Variants in SUPT3H observed in about 807,000 individuals in gnomAD.
The protein encoded by SUPT3H is SPT3 homolog, SAGA and STAGA complex component.
A neutral mutation model predicts 44.3 loss-of-function variants in SUPT3H; 44 were observed. The observed-to-expected ratio is 0.99, with a 90% CI of 0.78 to 1.28. The LOEUF is 1.28. SUPT3H is among the 50% of genes most tolerant of loss of function. The pLI, the probability that SUPT3H is intolerant of heterozygous loss-of-function variation, is 0.00. For missense variants in SUPT3H, 380 were observed against 387.1 expected (o/e 0.98, Z 0.15); for synonymous variants, 124 against 125.6 (o/e 0.99, Z 0.09).
intron 2 of SUPT3H, among the ~76,000 whole-genome samples, chr6:45,198,867 T>A (rs1167954038): frequency 6.6e-6 from 1 of 151,344 alleles, no homozygotes; most frequent in Non-Finnish European, 1.5e-5. Context: ...TCTGTTATTT[T>A]AAGCTTTGAA....
chr6:44,860,394 C>A (rs1300707542), intron 10 of SUPT3H, among the ~76,000 whole-genome samples: 4 of 152,130 alleles, frequency 2.6e-5, no homozygotes, highest in Non-Finnish European at 1.5e-5. Flanking sequence ...AGATAAAACA[C>A]AACATACCCT....
chr6:45,229,883 TAC>T (rs1767632036), intron 2 of SUPT3H, among the ~76,000 whole-genome samples: 1 of 152,126 alleles, frequency 6.6e-6, no homozygotes, highest in African/African-American at 2.4e-5. Flanking sequence ...TTCTTACTAG[TAC>T]AGTCACCCTA....
chr6:45,209,263 T>C (rs1584266367), intron 2 of SUPT3H, among the ~76,000 whole-genome samples: 1 of 152,262 alleles, frequency 6.6e-6, no homozygotes. Flanking sequence ...TCGAAATCTA[T>C]TTCATGAGGC....
chr6:45,293,986 G>A (rs1284235393), intron 2 of SUPT3H, among the ~76,000 whole-genome samples: 1 of 152,130 alleles, frequency 6.6e-6, no homozygotes, highest in Non-Finnish European at 1.5e-5. Flanking sequence ...ATCATTCTAT[G>A]AAGCCATTAT....
chr6:45,115,165 T>G (rs945961082), intron 2 of SUPT3H, among the ~76,000 whole-genome samples: 2 of 152,160 alleles, frequency 1.3e-5, no homozygotes, highest in Admixed American at 1.3e-4. Flanking sequence ...ACAGGAAAGT[T>G]TCTCCCATGT....
chr6:44,938,229 T>C (rs1771815674), intron 9 of SUPT3H, among the ~76,000 whole-genome samples: 1 of 152,084 alleles, frequency 6.6e-6, no homozygotes, highest in South Asian at 2.1e-4. Context: ...AAGTCTTTAT[T>C]CCATCTTGAG....
At chr6:44,947,530 C>A (rs1773548355) in intron 9 of SUPT3H, among the ~76,000 whole-genome samples, 1 of 152,148 alleles carries the variant, frequency 6.6e-6, no homozygotes, top group South Asian at 2.1e-4. Context: ...TAATTCCTTT[C>A]AAAATCCCAC....
chr6:45,333,062 C>T (rs1258601749), intron 2 of SUPT3H, among the ~76,000 whole-genome samples: 3 of 151,552 alleles, frequency 2.0e-5, no homozygotes, highest in African/African-American at 7.3e-5. Context: ...ATATTCTAAG[C>T]TAACTGTCTA....
intron 2 of SUPT3H, among the ~76,000 whole-genome samples, chr6:45,168,258 C>T (rs1430604492): frequency 6.6e-6 from 1 of 152,136 alleles, no homozygotes; most frequent in Non-Finnish European, 1.5e-5. Context: ...TGCTAGGATA[C>T]AGTAACGGGC....
chr6:45,359,559 T>C (rs1288671153), intron 2 of SUPT3H, among the ~76,000 whole-genome samples: 1 of 152,196 alleles, frequency 6.6e-6, no homozygotes, highest in Non-Finnish European at 1.5e-5. Context: ...AGGATAGACA[T>C]TTAAATATTC....
chr6:45,174,251 G>A (rs555969948), intron 2 of SUPT3H, among the ~76,000 whole-genome samples: 2 of 152,242 alleles, frequency 1.3e-5, no homozygotes, highest in East Asian at 3.9e-4. Context: ...GTAATCATAG[G>A]CAAGATTACC....
chr6:45,063,031 G>A (rs1205137012), intron 3 of SUPT3H, among the ~76,000 whole-genome samples: 1 of 150,672 alleles, frequency 6.6e-6, no homozygotes, highest in Non-Finnish European at 1.5e-5. Context: ...CAAAAAGACA[G>A]CAGTAACCTC....
chr6:45,371,477 AC>A (rs1163610441), intron 1 of SUPT3H, among the ~76,000 whole-genome samples: 1 of 151,732 alleles, frequency 6.6e-6, no homozygotes, highest in Non-Finnish European at 1.5e-5. Flanking sequence ...GCTGAAGGTC[AC>A]AAATCCAATA....
chr6:45,143,396 A>G (rs1207006400), intron 2 of SUPT3H, among the ~76,000 whole-genome samples: 3 of 152,142 alleles, frequency 2.0e-5, no homozygotes, highest in African/African-American at 7.2e-5. Flanking sequence ...TTAACTCCAA[A>G]AGGAACCTTT....
At chr6:45,251,660 T>TA (rs1772395941) in intron 2 of SUPT3H, among the ~76,000 whole-genome samples, 1 of 152,144 alleles carries the variant, frequency 6.6e-6, no homozygotes. Flanking sequence ...AAGACATGCT[T>TA]AAATAAAACA....
At chr6:45,081,092 C>T (rs1251167990) in intron 3 of SUPT3H, among the ~76,000 whole-genome samples, 1 of 151,362 alleles carries the variant, frequency 6.6e-6, no homozygotes, top group Non-Finnish European at 1.5e-5. Context: ...TATGTATCCA[C>T]AAGAATTTAA....
downstream of SUPT3H, among the ~76,000 whole-genome samples, chr6:44,823,049 C>T (rs567438339): frequency 1.1e-4 from 15 of 142,254 alleles, no homozygotes; most frequent in Middle Eastern, 3.8e-3. Flanking sequence ...ACCCGGGAGG[C>T]GGAGGTTCCT....
At chr6:44,935,739 G>A (rs896107565) in intron 9 of SUPT3H, among the ~76,000 whole-genome samples, 5 of 152,122 alleles carry the variant, frequency 3.3e-5, no homozygotes, top group Non-Finnish European at 7.4e-5. Context: ...CATATTTTCC[G>A]GATTTGGCTG....
chr6:45,153,931 G>A (rs894386691), intron 2 of SUPT3H, among the ~76,000 whole-genome samples: 26 of 151,876 alleles, frequency 1.7e-4, no homozygotes, highest in Non-Finnish European at 5.9e-5. Flanking sequence ...TTAGCCAGGC[G>A]TGCTAGTGCA....
Sources: allele counts gnomAD v4.1 joint callset (sites outside exome capture counted in the v4.1 genomes callset), GRCh38; gene constraint gnomAD v4.1.1; transcripts MANE v1.5; gene names NCBI Gene and HGNC (gene_info 2026-07-23, HGNC 2026-07-21).